Variants in ANHX observed in about 807,000 individuals in gnomAD.
ANHX encodes the protein anomalous homeobox protein.
ANHX carries 20 observed loss-of-function variants against 38.9 expected under a neutral mutation model. That is an observed-to-expected ratio of 0.51 (90% CI 0.36 to 0.75). ANHX has a LOEUF of 0.75. Among genes scored for constraint, ANHX ranks in the 30% least tolerant of loss-of-function variants. The pLI, the probability that ANHX is intolerant of heterozygous loss-of-function variation, is 0.00. For synonymous variants in ANHX, 185 were observed against 203.1 expected, an observed-to-expected ratio of 0.91 and a Z score of 0.76; for missense variants, 475 against 493.1, an observed-to-expected ratio of 0.96 and a Z score of 0.35.
chr12:133,231,825 G>C (rs1957282812), intron 2 of ANHX, among the ~76,000 whole-genome samples, 181 bp from the exon 3 acceptor site: 1 of 152,230 alleles, frequency 6.6e-6, no homozygotes, highest in Admixed American at 6.5e-5. Flanking sequence ...GCAGGCATGA[G>C]TCAGATGGCC....
intron 9 of ANHX, 98 bp downstream of exon 9, chr12:133,219,185 A>T: frequency 8.6e-7 from 1 of 1,164,324 alleles, no homozygotes; most frequent in Non-Finnish European, 1.2e-6. Flanking sequence ...TGCCTGGTGT[A>T]TTCACTCCAG....
intron 3 of ANHX, among the ~76,000 whole-genome samples, chr12:133,229,361 C>T (rs1430101956): frequency 1.3e-5 from 2 of 152,140 alleles, no homozygotes; most frequent in African/African-American, 2.4e-5. Flanking sequence ...CCTACTTGGA[C>T]ATCTAAAATG....
intron 7 of ANHX, among the ~76,000 whole-genome samples, chr12:133,222,577 A>C (rs2135551687): frequency 6.6e-6 from 1 of 152,288 alleles, no homozygotes; most frequent in Non-Finnish European, 1.5e-5. Flanking sequence ...CAGCCTCGTC[A>C]GTAAGTACAG....
rs1445646844 is a variant in ANHX, at chr12:133,221,494, C to T, written c.1133-142G>A. Among the ~76,000 whole-genome samples the T allele has an allele frequency of 6.6e-6, 1 of 152,204 alleles. No individual in the cohort carries two copies. ...CGCCACGTGAACCAGACTCACGGTC[C>T]CTGGGCCTCAGTCTCCCTCTCTGAG... On this transcript the variant is annotated intron_variant, in intron 7 of 9. Transcript: ENST00000545940. This position sits in a 1 kb window ranked among gnomAD's most constrained non-coding sequence, Gnocchi z 4.1.
chr12:133,232,875 T>C (rs1173461871), intron 2 of ANHX, among the ~76,000 whole-genome samples: 1 of 152,168 alleles, frequency 6.6e-6, no homozygotes, highest in Non-Finnish European at 1.5e-5. Flanking sequence ...AAGGCTGTGG[T>C]GGCCCTGCCT....
chr12:133,220,510 C>T (rs1193689073), intron 8 of ANHX, among the ~76,000 whole-genome samples: 1 of 152,174 alleles, frequency 6.6e-6, no homozygotes, highest in Non-Finnish European at 1.5e-5. Context: ...GCCTTTTCTC[C>T]TATGTCCCTC....
At chr12:133,226,503 G>A in intron 5 of ANHX, 65 bp from the exon 6 acceptor site, 1 of 1,482,372 alleles carries the variant, frequency 6.7e-7, no homozygotes, top group Non-Finnish European at 8.9e-7. Flanking sequence ...CTTCCCATCA[G>A]GTATGAGCAG....
chr12:133,231,366 T>C, intron 3 of ANHX, 151 bp downstream of exon 3: 1 of 1,128,360 alleles, frequency 8.9e-7, no homozygotes, highest in Non-Finnish European at 1.2e-6. Context: ...CATCTTATGC[T>C]GACTACACTG....
intron 2 of ANHX, 35 bp from the exon 3 acceptor site, chr12:133,231,679 G>A (rs1202273563): frequency 8.5e-6 from 13 of 1,535,068 alleles, no homozygotes; most frequent in Admixed American, 2.0e-5. Flanking sequence ...CTGGCCACCT[G>A]CCCACCCTGG....
chr12:133,228,468 T>C (rs150087224), intron 3 of ANHX, among the ~76,000 whole-genome samples: 1,737 of 152,282 alleles, frequency 0.011, 31 homozygotes, highest in African/African-American at 0.04. Context: ...ATGAGTCCTC[T>C]GAGGCTTGCA....
chr12:133,219,069 C>A, intron 9 of ANHX, 98 bp from the exon 10 acceptor site: 1 of 1,196,114 alleles, frequency 8.4e-7, no homozygotes, highest in South Asian at 1.4e-5. Context: ...AGACCCCCCG[C>A]AACCAGTCTG....
chr12:133,224,771 C>CT (rs1178729617), intron 7 of ANHX, among the ~76,000 whole-genome samples: 3 of 151,168 alleles, frequency 2.0e-5, no homozygotes, highest in Admixed American at 1.3e-4. Flanking sequence ...CAAGACCATC[C>CT]TGGCTAACAG....
intron 7 of ANHX, among the ~76,000 whole-genome samples, chr12:133,224,055 A>G (rs538205014): frequency 2.0e-5 from 3 of 152,276 alleles, no homozygotes; most frequent in Non-Finnish European, 4.4e-5. Flanking sequence ...GCTGGCTAAC[A>G]AAACAAGGGA....
At chr12:133,224,042 G>A (rs1445297439) in intron 7 of ANHX, among the ~76,000 whole-genome samples, 1 of 152,160 alleles carries the variant, frequency 6.6e-6, no homozygotes, top group Non-Finnish European at 1.5e-5. Context: ...GTTAACTGAA[G>A]CTGCTGGCTA....
chr12:133,231,935 C>T (rs1444414304), intron 2 of ANHX, among the ~76,000 whole-genome samples: 1 of 152,154 alleles, frequency 6.6e-6, no homozygotes, highest in African/African-American at 2.4e-5. Context: ...TGAATGGGCC[C>T]CTTCCTTTAA....
intron 2 of ANHX, among the ~76,000 whole-genome samples, chr12:133,233,664 C>T (rs1194251930): frequency 6.6e-6 from 1 of 152,148 alleles, no homozygotes; most frequent in Non-Finnish European, 1.5e-5. Context: ...AGGTTCAGTG[C>T]CTAATGCGTT....
At chr12:133,227,709 C>T in intron 4 of ANHX, 115 bp downstream of exon 4, 1 of 1,270,200 alleles carries the variant, frequency 7.9e-7, no homozygotes. Context: ...GGGGCTGAAA[C>T]CACCAGCACC....
chr12:133,224,676 A>G (rs1957160183), intron 7 of ANHX, among the ~76,000 whole-genome samples: 1 of 140,678 alleles, frequency 7.1e-6, no homozygotes, highest in East Asian at 2.2e-4. Flanking sequence ...AAAAAAAAAA[A>G]AAAAAAATGC....
intron 8 of ANHX, among the ~76,000 whole-genome samples, chr12:133,220,121 T>G (rs149127013): frequency 6.6e-6 from 1 of 152,120 alleles, no homozygotes; most frequent in East Asian, 1.9e-4. Context: ...GGAGGGTACA[T>G]TGAAGACCTT....
Sources: gnomAD v4.1 joint callset for allele counts (sites outside exome capture counted in the v4.1 genomes callset) on GRCh38, gnomAD v4.1.1 for gene constraint, Gnocchi (gnomAD v3.1) non-coding constraint, MANE v1.5 for transcripts, NCBI Gene and HGNC (gene_info 2026-07-23, HGNC 2026-07-21) for gene names.